The following ACSL5 variants were observed in gnomAD, a reference collection of about 807,000 sequenced individuals.
ACSL5 encodes long-chain-fatty-acid--CoA ligase 5.
ACSL5 carries 50 observed loss-of-function variants against 84.9 expected under a neutral mutation model. That is an observed-to-expected ratio of 0.59 (90% CI 0.47 to 0.75). The LOEUF (loss-of-function observed/expected upper bound fraction) is 0.75. Ranked by LOEUF, ACSL5 falls within the 30% of genes least tolerant of loss-of-function variation. The pLI is 0.00. For synonymous variants in ACSL5, 280 were observed against 300.7 expected (o/e 0.93, Z 0.71); for missense variants, 775 against 830.4 (o/e 0.93, Z 0.82).
chr10:112,392,344 C>T (rs1162651586), intron 1 of ACSL5, among the ~76,000 whole-genome samples: 1 of 115,314 alleles, frequency 8.7e-6, no homozygotes, highest in African/African-American at 2.6e-5. Flanking sequence ...CGGTGGCTCA[C>T]ACCTGTAATC....
chr10:112,388,203 G>C (rs142757564), intron 1 of ACSL5, among the ~76,000 whole-genome samples: 7 of 152,122 alleles, frequency 4.6e-5, no homozygotes, highest in African/African-American at 7.2e-5. Context: ...GCCTCCCAAC[G>C]TGCTGGGATT....
intron 13 of ACSL5, 35 bp downstream of exon 13, chr10:112,417,057 A>G (rs1844331113): frequency 6.2e-7 from 1 of 1,601,956 alleles, no homozygotes; most frequent in Non-Finnish European, 8.5e-7. Flanking sequence ...AAGCAGGCAA[A>G]TACCTGGGCT....
chr10:112,385,967 T>A lies in ACSL5; in HGVS notation c.-29-8951T>A, dbSNP rs571645699. ...TTAAGTCTTTGACCTATCTTCAGCTTATTTTTGTTGTAGGAGTAAGAGAGT... is the reference window on the plus strand; with the variant it reads ...TTAAGTCTTTGACCTATCTTCAGCTAATTTTTGTTGTAGGAGTAAGAGAGT... On this transcript the variant is annotated intron_variant, in intron 1 of 20. Transcript: ENST00000354655. 3.9e-5 allele frequency among the ~76,000 whole-genome samples: 6 copies of A among 152,254 alleles called. No individual in the cohort carries two copies. In the South Asian group the frequency reaches 1.0e-3, roughly 26 times the overall value.
At chr10:112,407,443 C>T (rs1844067112) in intron 5 of ACSL5, among the ~76,000 whole-genome samples, 1 of 152,012 alleles carries the variant, frequency 6.6e-6, no homozygotes, top group African/African-American at 2.4e-5. Flanking sequence ...AGGATGGTCT[C>T]AATCTCTTGA....
chr10:112,398,408 CT>C (rs1396651572), intron 2 of ACSL5, among the ~76,000 whole-genome samples: 46 of 144,910 alleles, frequency 3.2e-4, no homozygotes, highest in East Asian at 4.0e-4. Context: ...TTTGTATTTT[CT>C]TTTTTTTTTT....
intron 18 of ACSL5, among the ~76,000 whole-genome samples, chr10:112,425,757 G>A (rs1450821140): frequency 6.6e-6 from 1 of 152,112 alleles, no homozygotes; most frequent in African/African-American, 2.4e-5. Context: ...GCTCCACATT[G>A]CACTTAGTTC....
At chr10:112,402,339 C>A (rs1196442191) in intron 3 of ACSL5, among the ~76,000 whole-genome samples, 3 of 152,174 alleles carry the variant, frequency 2.0e-5, no homozygotes, top group African/African-American at 7.2e-5. Context: ...TGTCTCAGTC[C>A]TTCATAATTC....
intron 5 of ACSL5, among the ~76,000 whole-genome samples, chr10:112,405,575 C>G (rs887576231): frequency 6.6e-6 from 1 of 152,118 alleles, no homozygotes; most frequent in African/African-American, 2.4e-5. Context: ...ATACTCCATT[C>G]TTGTCACAGT....
At chr10:112,401,867 T>C (rs1375382961) in intron 3 of ACSL5, among the ~76,000 whole-genome samples, 1 of 150,760 alleles carries the variant, frequency 6.6e-6, no homozygotes, top group Non-Finnish European at 1.5e-5. Flanking sequence ...TTTCTTTCTT[T>C]CTTTTTCTTT....
intron 5 of ACSL5, among the ~76,000 whole-genome samples, chr10:112,407,810 T>C (rs1844080310): frequency 6.6e-6 from 1 of 152,156 alleles, no homozygotes; most frequent in Non-Finnish European, 1.5e-5. Context: ...CCCAAATAGC[T>C]TTCCTCACCC....
chr10:112,426,675 T>A (rs746457892), intron 19 of ACSL5, 113 bp from the exon 20 acceptor site: 110 of 942,368 alleles, frequency 1.2e-4, no homozygotes, highest in South Asian at 9.7e-4. Context: ...TGCATAGTTT[T>A]ATATTCCTGC....
chr10:112,422,283 C>A (rs1844483122), intron 16 of ACSL5, 42 bp from the exon 17 acceptor site: 1 of 1,548,026 alleles, frequency 6.5e-7, no homozygotes. Context: ...CTGGGAGGAG[C>A]AGCCTTTGCT....
chr10:112,392,044 A>G (rs1378914228), intron 1 of ACSL5, among the ~76,000 whole-genome samples: 1 of 152,228 alleles, frequency 6.6e-6, no homozygotes, highest in East Asian at 1.9e-4. Flanking sequence ...TAAAATATAA[A>G]TGTGCCATCT....
chr10:112,395,067 C>G lies in ACSL5; in HGVS notation c.121C>G (p.Leu41Val), dbSNP rs773254729. 2 of 1,614,104 alleles carry G rather than the reference C, an allele frequency of 1.2e-6. No homozygotes were observed. Among genetic ancestry groups the G allele is most frequent in the Non-Finnish European group, 1.7e-6 (2 of 1,179,996 alleles). The change falls in exon 2 of 21, where the codon CTT becomes GTT. Residue 41 changes from leucine to valine, a missense_variant. By Grantham distance (32) the Leu-to-Val change is conservative. Coordinates refer to ENST00000354655, the MANE Select transcript of ACSL5 (RefSeq NM_203379.2). ...LITRPQPVLPLLDLNNQSVGI... is the reference protein window; with the variant it reads ...LITRPQPVLPVLDLNNQSVGI... ...CACCAGACCTCAACCCGTCTTACCT[C>G]TTCTTGACCTGAACAATCAGTCTGT...
chr10:112,399,397 A>G (rs1843822699), intron 3 of ACSL5, among the ~76,000 whole-genome samples: 1 of 152,198 alleles, frequency 6.6e-6, no homozygotes, highest in Non-Finnish European at 1.5e-5. Context: ...CCTTTCATTA[A>G]TGTAATTCCC....
At chr10:112,394,594 C>A in intron 1 of ACSL5, 2 of 376,280 alleles carry the variant, frequency 5.3e-6, no homozygotes, top group Non-Finnish European at 7.3e-6. Flanking sequence ...TTCTTCCAGG[C>A]TTTGTGCACC....
intron 3 of ACSL5, among the ~76,000 whole-genome samples, chr10:112,401,947 TTCTC>T (rs57651640): frequency 2.8e-4 from 39 of 140,474 alleles, no homozygotes; most frequent in South Asian, 7.1e-4. Context: ...TTCTCTTTCT[TTCTC>T]TCTCTCTCTC....
chr10:112,410,635 G>C lies in ACSL5; in HGVS notation c.796G>C (p.Gly266Arg). 1.2e-6 allele frequency: 2 copies of C among 1,613,194 alleles called. No individual in the cohort carries two copies. Among genetic ancestry groups the C allele is most frequent in the Non-Finnish European group, 1.7e-6 (2 of 1,179,790 alleles). Residue 266 changes from glycine (G) to arginine (R), a missense_variant and splice_region_variant, in exon 9 of 21, where the codon GGT (glycine) becomes CGT (arginine). Physicochemically the swap from Gly to Arg is moderately radical, Grantham distance 125 (BLOSUM62 -2). Coordinates refer to ENST00000354655, the MANE Select transcript of ACSL5 (RefSeq NM_203379.2). ...SVICFTSGTT[G>R]DPKGAMITHQ... ...CATCTGCTTCACCAGTGGGACCACA[G>C]GTCTGTGCCCATGAAACTGAACCTT...
At chr10:112,417,777 C>T in intron 13 of ACSL5, 69 bp from the exon 14 acceptor site, 1 of 1,238,498 alleles carries the variant, frequency 8.1e-7, no homozygotes. Context: ...CTATTATACC[C>T]ACTCTACAGT....
Sources: gnomAD v4.1 joint callset for allele counts (sites outside exome capture counted in the v4.1 genomes callset) on GRCh38, gnomAD v4.1.1 for gene constraint, MANE v1.5 for transcripts, NCBI Gene and HGNC (gene_info 2026-07-23, HGNC 2026-07-21) for gene names.